FBXO33: variants seen among roughly 807,000 people sequenced by gnomAD.
The protein encoded by FBXO33 is F-box protein 33, also known as F-box only protein 33.
A neutral mutation model predicts 46.3 loss-of-function variants in FBXO33; 22 were observed. That is an observed-to-expected ratio of 0.48 (90% confidence interval 0.34 to 0.68). FBXO33 has a LOEUF of 0.68. FBXO33 is among the 30% of genes least tolerant of loss of function. The pLI is 0.01. For missense variants in FBXO33, 692 were observed against 708.8 expected (o/e 0.98, Z 0.27); for synonymous variants, 337 against 291.3 (o/e 1.16, Z -1.60).
Position 39,397,874 on chromosome 14 carries a change from T to TATC in FBXO33, c.*1639_*1641dup. On this transcript the variant is annotated 3_prime_UTR_variant, in exon 4 of 4. Coordinates refer to ENST00000298097, the MANE Select transcript of FBXO33 (RefSeq NM_203301.4). ...TTACAGTTTCTGTCAGGAGTTATTT[T>TATC]ATCTGATCACATTTATAAGATAAAA... is the stretch of plus-strand genomic sequence containing the variant. 6.5e-6 allele frequency: 1 copy of TATC among 152,758 alleles called. No individual in the cohort carries two copies. The highest frequency in any genetic ancestry group is 1.9e-4 in the East Asian group (1 of 5,190). 9.5% of individuals were successfully genotyped at this position (152,758 alleles called of 1,614,324 possible). A position where few individuals can be genotyped will look rare whatever the true frequency, so the allele number is the denominator to read the frequency against.
chr14:39,425,384 G>C (rs1366278505), intron 1 of FBXO33, among the ~76,000 whole-genome samples: 2 of 152,184 alleles, frequency 1.3e-5, no homozygotes, highest in Non-Finnish European at 2.9e-5. Context: ...GCCACCTTAA[G>C]AGTTATTACA....
In FBXO33 at chr14:39,424,000, A is replaced by G. The variant is rs568502143; in HGVS notation, c.599+7564T>C. Among the ~76,000 whole-genome samples the G allele has an allele frequency of 5.3e-5, 8 of 152,258 alleles. No homozygotes were observed. In the South Asian group the frequency reaches 1.7e-3, roughly 32 times the overall value. On this transcript the variant is annotated intron_variant, in intron 1 of 3. Coordinates refer to ENST00000298097, the MANE Select transcript of FBXO33 (RefSeq NM_203301.4). Reference sequence around the variant, plus strand: ...CCCAGTGTCTATTGTTTCTATTTTTATAACTACGTGTACTCAATGTTTAGC... The same window carrying G: ...CCCAGTGTCTATTGTTTCTATTTTTGTAACTACGTGTACTCAATGTTTAGC...
rs1421074119 is a variant in FBXO33 at position 39,432,143 on chromosome 14, A to C, written c.20T>G (p.Val7Gly). Residue 7 changes from valine to glycine, a missense_variant, in exon 1 of 4, where the codon GTG (valine) becomes GGG (glycine). Physicochemically the swap from Val to Gly is moderately radical, Grantham distance 109 (BLOSUM62 -3). Coordinates refer to ENST00000298097, the MANE Select transcript of FBXO33 (RefSeq NM_203301.4). MLLFLS[V>G]PQPRPPGART... ...AGCTCCCGGCGGTCGGGGCTGCGGC[A>C]CTGACAAGAACAACAACATCAATGA... 10 of 1,235,622 alleles carry C rather than the reference A, an allele frequency of 8.1e-6. No individual in the cohort carries two copies. Among genetic ancestry groups the C allele is most frequent in the Non-Finnish European group, 1.0e-5 (10 of 989,524 alleles). The allele number at this position is 1,235,622 out of a possible 1,614,324, so 76.5% of individuals were successfully genotyped here.
intron 1 of FBXO33, among the ~76,000 whole-genome samples, chr14:39,412,333 G>T (rs1356176559): frequency 6.6e-6 from 1 of 151,964 alleles, no homozygotes; most frequent in African/African-American, 2.4e-5. Flanking sequence ...GTCAGTTTTT[G>T]ACTTAAAGTC....
Position 39,431,771 on chromosome 14 carries a change from T to G in FBXO33, c.392A>C (p.Lys131Thr). 1 of 1,612,844 alleles carries G rather than the reference T, an allele frequency of 6.2e-7. No individual in the cohort carries two copies. Among genetic ancestry groups the G allele is most frequent in the Non-Finnish European group, 8.5e-7 (1 of 1,179,970 alleles). The change falls in exon 1 of 4, where the codon AAG becomes ACG. Residue 131 changes from lysine to threonine, a missense_variant. Transcript: ENST00000298097. ...EQPRLEFLMR[K>T]CGWFVRELRV... Reference sequence around the variant, plus strand: ...CAGCTCTCGCACGAACCAGCCGCACTTGCGCATGAGGAATTCCAGCCGAGG... The same window carrying G: ...CAGCTCTCGCACGAACCAGCCGCACGTGCGCATGAGGAATTCCAGCCGAGG...
chr14:39,425,214 T>C (rs1056421795), intron 1 of FBXO33, among the ~76,000 whole-genome samples: 3 of 152,214 alleles, frequency 2.0e-5, no homozygotes, highest in African/African-American at 7.2e-5. Context: ...ACCCAGTGCT[T>C]GAGATTTCAG....
intron 1 of FBXO33, 93 bp downstream of exon 1, chr14:39,431,471 G>A (rs1004515826): frequency 3.2e-6 from 5 of 1,573,564 alleles, no homozygotes; most frequent in Admixed American, 3.6e-5. Context: ...ACTGAAGTTG[G>A]CCGGGCACGT....
chr14:39,412,610 C>T (rs1287529103), intron 1 of FBXO33, among the ~76,000 whole-genome samples: 1 of 140,268 alleles, frequency 7.1e-6, no homozygotes, highest in African/African-American at 2.6e-5. Flanking sequence ...TCATTCCTTT[C>T]TTCTCTTGCT....
chr14:39,420,623 A>G (rs895447361), intron 1 of FBXO33, among the ~76,000 whole-genome samples: 7 of 152,118 alleles, frequency 4.6e-5, no homozygotes, highest in African/African-American at 1.4e-4. Context: ...CCCAGGAGGC[A>G]GAGCTTGCAG....
intron 1 of FBXO33, among the ~76,000 whole-genome samples, chr14:39,404,990 T>C (rs1289298250): frequency 1.3e-5 from 2 of 151,676 alleles, no homozygotes; most frequent in Non-Finnish European, 2.9e-5. Context: ...CTAATAAAAA[T>C]ACAAAAAATT....
chr14:39,403,776 G>A (rs1005985719), intron 1 of FBXO33, among the ~76,000 whole-genome samples: 47 of 150,456 alleles, frequency 3.1e-4, no homozygotes, highest in Admixed American at 1.9e-3. Context: ...AGTGATACAA[G>A]ATTTAAATAA....
intron 1 of FBXO33, among the ~76,000 whole-genome samples, chr14:39,409,021 C>A (rs997379062): frequency 6.6e-6 from 1 of 152,024 alleles, no homozygotes; most frequent in Non-Finnish European, 1.5e-5. Context: ...AAGGAATCTG[C>A]CTGCCTCGGC....
At chr14:39,408,608 A>G (rs1051166478) in intron 1 of FBXO33, among the ~76,000 whole-genome samples, 11 of 151,070 alleles carry the variant, frequency 7.3e-5, no homozygotes, top group African/African-American at 1.9e-4. Flanking sequence ...TGGCTCCCAG[A>G]TTCAAGCAAT....
intron 1 of FBXO33, among the ~76,000 whole-genome samples, chr14:39,431,077 G>A (rs909907843): frequency 1.3e-5 from 2 of 152,060 alleles, no homozygotes; most frequent in Non-Finnish European, 2.9e-5. Flanking sequence ...ACTATTTCTG[G>A]TAAGAAAATG....
At chr14:39,404,572 C>T (rs866917287) in intron 1 of FBXO33, among the ~76,000 whole-genome samples, 4 of 152,008 alleles carry the variant, frequency 2.6e-5, no homozygotes, top group East Asian at 2.0e-4. Flanking sequence ...GTGATCCACC[C>T]GCCTTGGCCT....
At chr14:39,427,905 G>C (rs2075523737) in intron 1 of FBXO33, among the ~76,000 whole-genome samples, 2 of 152,126 alleles carry the variant, frequency 1.3e-5, no homozygotes, top group Non-Finnish European at 2.9e-5. Context: ...CTATGATCAT[G>C]ATTGCTCCAT....
intron 1 of FBXO33, among the ~76,000 whole-genome samples, chr14:39,427,101 A>T (rs1474315620): frequency 6.6e-6 from 1 of 152,244 alleles, no homozygotes; most frequent in African/African-American, 2.4e-5. Context: ...AGAACTAACA[A>T]ATTAAAATGG....
chr14:39,408,385 G>C (rs1056855009), intron 1 of FBXO33, among the ~76,000 whole-genome samples: 3 of 152,094 alleles, frequency 2.0e-5, no homozygotes, highest in Non-Finnish European at 4.4e-5. Flanking sequence ...TTGGAGAAAT[G>C]TCTATTAGTC....
intron 1 of FBXO33, among the ~76,000 whole-genome samples, chr14:39,422,611 T>C (rs2075490732): frequency 1.3e-5 from 2 of 152,244 alleles, no homozygotes; most frequent in Admixed American, 1.3e-4. Context: ...TTGCTTTCCA[T>C]GCTGTGTCTT....
Sources: gnomAD v4.1 joint callset for allele counts (sites outside exome capture counted in the v4.1 genomes callset) on GRCh38, gnomAD v4.1.1 for gene constraint, MANE v1.5 for transcripts, NCBI Gene and HGNC (gene_info 2026-07-23, HGNC 2026-07-21) for gene names.